Variants in DNAH9 observed in about 807,000 individuals in gnomAD.
The protein encoded by DNAH9 is DNAH9 variant protein.
Under a neutral mutation model 471.6 loss-of-function variants are expected in DNAH9, and 345 were observed. The ratio of observed to expected loss-of-function variants is 0.73; its 90% confidence interval spans 0.67 to 0.80. The LOEUF (loss-of-function observed/expected upper bound fraction) is 0.80, where lower values mean the gene tolerates loss of function less well. Ranked by LOEUF, DNAH9 falls within the 30% of genes least tolerant of loss-of-function variation. The pLI is 0.00. For missense variants in DNAH9, 5,407 were observed against 5,609.2 expected (o/e 0.96, Z 1.15); for synonymous variants, 2,093 against 2,123.6 (o/e 0.99, Z 0.40).
chr17:11,929,253 C>T (rs1974426817), intron 62 of DNAH9, among the ~76,000 whole-genome samples: 1 of 151,940 alleles, frequency 6.6e-6, no homozygotes, highest in Non-Finnish European at 1.5e-5. Flanking sequence ...CCAGGATGGT[C>T]TCGATCTCCT....
intron 27 of DNAH9, among the ~76,000 whole-genome samples, chr17:11,726,415 G>A (rs1198292017): frequency 1.3e-5 from 2 of 152,146 alleles, no homozygotes; most frequent in Non-Finnish European, 2.9e-5. Context: ...AGGCCAAAAC[G>A]GGTTGAAGAA....
chr17:11,805,523 C>CTTTTTTTTTT lies in DNAH9; in HGVS notation c.8421-2176_8421-2167dup, dbSNP rs773842478. 7.9e-4 allele frequency among the ~76,000 whole-genome samples: 41 copies of CTTTTTTTTTT among 52,092 alleles called. 9 individuals carry two copies. Among genetic ancestry groups the CTTTTTTTTTT allele is most frequent in the East Asian group, 2.1e-3 (2 of 972 alleles). 34.2% of individuals were successfully genotyped at this position (52,092 alleles called of 152,430 possible). On this transcript the variant is annotated intron_variant, in intron 43 of 68. Coordinates refer to ENST00000262442, the MANE Select transcript of DNAH9 (RefSeq NM_001372.4). ...TATTTGGCCAAACTTTACCCGAGTT[C>CTTTTTTTTTT]TTTTTTTTTTTTTTTTTTTTTTTTT...
At chr17:11,803,602 T>C (rs897335271) in intron 43 of DNAH9, among the ~76,000 whole-genome samples, 1 of 152,242 alleles carries the variant, frequency 6.6e-6, no homozygotes, top group Non-Finnish European at 1.5e-5. Context: ...CAGAGTTCTT[T>C]GCCCTCATCA....
rs568428373 is a variant in DNAH9 at position 11,745,948 on chromosome 17, C to A, written c.6399+864C>A. 2.0e-5 allele frequency among the ~76,000 whole-genome samples: 3 copies of A among 152,166 alleles called. No homozygotes were observed. The South Asian group carries it at 6.2e-4, about 32-fold the overall frequency. ...AGAGGTGAGATGATGTATAGAGGAT[C>A]AATTTAGGTTATCCAACATGTTACC... On this transcript the variant is annotated intron_variant, in intron 31 of 68. Transcript: ENST00000262442.
chr17:11,783,730 C>T lies in DNAH9; in HGVS notation c.7803C>T (p.Thr2601=), dbSNP rs774197900. ...SCMNPTAGSF[T]INPRLQRHFS... is the part of the protein sequence containing the mutation. The stretch of plus-strand genomic sequence containing the variant: ...TGAACCCCACGGCAGGCAGCTTCAC[C>T]ATCAACCCCCGGCTTCAGGTACAGG... Residue 2601 remains threonine, a synonymous_variant, in exon 40 of 69, where the codon ACC becomes ACT. Transcript: ENST00000262442. The T allele has an allele frequency of 6.8e-6, 11 of 1,613,970 alleles. No homozygotes were observed. The East Asian group carries it at 2.0e-4, about 29-fold the overall frequency.
chr17:11,729,088 C>G (rs1024290210), intron 28 of DNAH9, among the ~76,000 whole-genome samples: 2 of 152,156 alleles, frequency 1.3e-5, no homozygotes, highest in African/African-American at 4.8e-5. Flanking sequence ...CCAGAGACAT[C>G]TGGGAGGGAG....
At chr17:11,701,482 G>T (rs2074594025) in intron 24 of DNAH9, among the ~76,000 whole-genome samples, 2 of 152,140 alleles carry the variant, frequency 1.3e-5, no homozygotes, top group African/African-American at 4.8e-5. Context: ...GCCCTCATTG[G>T]CTACAGAAGG....
intron 6 of DNAH9, among the ~76,000 whole-genome samples, chr17:11,620,647 A>C (rs2072839426): frequency 6.6e-6 from 1 of 152,216 alleles, no homozygotes; most frequent in Non-Finnish European, 1.5e-5. Context: ...CCAAGGAATC[A>C]ATGAACTAGT....
At chr17:11,639,154 A>T (rs955609245) in intron 9 of DNAH9, among the ~76,000 whole-genome samples, 12 of 152,112 alleles carry the variant, frequency 7.9e-5, no homozygotes, top group East Asian at 3.9e-4. Flanking sequence ...CACAGTTTTG[A>T]CCCATGCTTA....
chr17:11,953,756 C>CAAAAAAAAAA (rs34905733), intron 67 of DNAH9: 1 of 84,522 alleles, frequency 1.2e-5, no homozygotes, highest in Non-Finnish European at 2.4e-5. Context: ...GACTCCAGCT[C>CAAAAAAAAAA]AAAAAAAAAA....
In DNAH9 at chr17:11,690,003, G is replaced by A. The variant is rs766106564; in HGVS notation, c.4181G>A (p.Gly1394Asp). The A allele has an allele frequency of 6.2e-7, 1 of 1,614,198 alleles. No homozygotes were observed. Reference protein sequence around the residue: ...RHWRQLMQATGVSFTMDQDTT... With the variant: ...RHWRQLMQATDVSFTMDQDTT... ...TGGAGGCAGCTGATGCAGGCCACCG[G>A]TGTGAGCTTCACTATGGACCAGGAC... is the stretch of plus-strand genomic sequence containing the variant. Residue 1394 changes from glycine (G) to aspartate (D), a missense_variant, in exon 20 of 69, where the codon GGT (glycine) becomes GAT (aspartate). Physicochemically the swap from Gly to Asp is moderately conservative, Grantham distance 94 (BLOSUM62 -1). This residue lies in a region of DNAH9 where 4,636 missense variants were observed against 4,900.3 expected (regional missense o/e 0.95). Coordinates refer to ENST00000262442, the MANE Select transcript of DNAH9 (RefSeq NM_001372.4).
Position 11,903,034 on chromosome 17 carries a change from G to T in DNAH9, c.11600+122G>T, listed in dbSNP as rs1009219115. 4.4e-6 allele frequency: 5 copies of T among 1,130,370 alleles called. No homozygotes were observed. The African/African-American group carries it at 7.7e-5, about 17-fold the overall frequency. The allele number at this position is 1,130,370 out of a possible 1,614,324, so 70.0% of individuals were successfully genotyped here. A position where few individuals can be genotyped will look rare whatever the true frequency, so the allele number is the denominator to read the frequency against. The stretch of plus-strand genomic sequence containing the variant: ...ATATAGTAGTTTCCTGGAGCTAGAG[G>T]GTGGGAATAGAAATTAACTAAACAG... On this transcript the variant is annotated intron_variant, in intron 60 of 68. Coordinates refer to ENST00000262442, the MANE Select transcript of DNAH9 (RefSeq NM_001372.4).
chr17:11,624,424 G>T (rs1002489776), intron 6 of DNAH9, among the ~76,000 whole-genome samples: 1 of 152,096 alleles, frequency 6.6e-6, no homozygotes. Context: ...CAGGAGAATC[G>T]CTGGAACCTG....
intron 17 of DNAH9, among the ~76,000 whole-genome samples, chr17:11,675,121 C>A (rs61576136): frequency 0.013 from 2,020 of 152,102 alleles, 41 homozygotes; most frequent in African/African-American, 0.046. Flanking sequence ...TTATTTACAT[C>A]CTTTTTATGT....
chr17:11,614,001 G>A (rs187534778), intron 4 of DNAH9, among the ~76,000 whole-genome samples: 10 of 152,076 alleles, frequency 6.6e-5, no homozygotes, highest in Admixed American at 2.0e-4. Flanking sequence ...AGTATATGCC[G>A]GCAATGAATT....
chr17:11,603,505 C>T (rs769794344), intron 1 of DNAH9, among the ~76,000 whole-genome samples: 2 of 152,128 alleles, frequency 1.3e-5, no homozygotes, highest in Non-Finnish European at 2.9e-5. Context: ...TTTGTGCTGC[C>T]CTCTGATGCC....
chr17:11,674,964 C>T (rs1406398266), intron 17 of DNAH9, among the ~76,000 whole-genome samples: 1 of 152,012 alleles, frequency 6.6e-6, no homozygotes, highest in Non-Finnish European at 1.5e-5. Context: ...GTTCTTGGTC[C>T]TTACCATTTC....
Position 11,632,644 on chromosome 17 carries a change from T to G in DNAH9, c.1576T>G (p.Leu526Val). Residue 526 changes from leucine (L) to valine (V), a missense_variant, in exon 8 of 69, where the codon TTG becomes GTG. Leu to Val is a conservative substitution (Grantham distance 32). This residue lies in a region of DNAH9 where 767 missense variants were observed against 692.5 expected (regional missense o/e 1.11). Coordinates refer to ENST00000262442, the MANE Select transcript of DNAH9 (RefSeq NM_001372.4). ...GAAAGTAGAAGATCTTGACCGAAGA[T>G]TGGGGACTATCTTTATTCAAGCTTT... ...NQKVEDLDRR[L>V]GTIFIQAFDD... The G allele has an allele frequency of 6.2e-7, 1 of 1,612,376 alleles. No homozygotes were observed. Among genetic ancestry groups the G allele is most frequent in the Non-Finnish European group, 8.5e-7 (1 of 1,178,458 alleles).
chr17:11,695,150 A>G (rs1436126216), intron 22 of DNAH9, among the ~76,000 whole-genome samples: 2 of 151,500 alleles, frequency 1.3e-5, no homozygotes, highest in Non-Finnish European at 2.9e-5. Context: ...AGCCTCCCAA[A>G]GTGCTGGGAT....
Sources: gnomAD v4.1 joint callset for allele counts (sites outside exome capture counted in the v4.1 genomes callset) on GRCh38, gnomAD v4.1.1 for gene constraint, gnomAD v4.1.1 regional missense constraint, MANE v1.5 for transcripts, NCBI Gene and HGNC (gene_info 2026-07-23, HGNC 2026-07-21) for gene names.